NCOA3: variants seen among roughly 807,000 people sequenced by gnomAD.
NCOA3 encodes the protein CBP-interacting protein.
A neutral mutation model predicts 158.8 loss-of-function variants in NCOA3; 51 were observed. The observed-to-expected ratio is 0.32, with a 90% CI of 0.26 to 0.41. The LOEUF (loss-of-function observed/expected upper bound fraction) is 0.41. NCOA3 is among the 10% of genes least tolerant of loss of function. NCOA3 has a pLI of 1.00. For synonymous variants in NCOA3, 537 were observed against 592.4 expected (o/e 0.91, Z 1.36); for missense variants, 1,510 against 1,746.6 (o/e 0.86, Z 2.41).
At chr20:47,543,803 C>T (rs541725411) in intron 1 of NCOA3, among the ~76,000 whole-genome samples, 1 of 152,288 alleles carries the variant, frequency 6.6e-6, no homozygotes, top group South Asian at 2.1e-4. Flanking sequence ...AGCCACTGTG[C>T]CCAGCCAAGA....
chr20:47,649,294 A>G (rs933406502), intron 19 of NCOA3, among the ~76,000 whole-genome samples, 185 bp downstream of exon 19: 2 of 152,192 alleles, frequency 1.3e-5, no homozygotes, highest in Non-Finnish European at 2.9e-5. Flanking sequence ...ACTGGGAGGA[A>G]TCAGAGGAGG....
chr20:47,653,338 T>G (rs1195074315), intron 22 of NCOA3, 68 bp from the exon 23 acceptor site: 9 of 1,566,694 alleles, frequency 5.7e-6, no homozygotes, highest in Non-Finnish European at 7.8e-6. Flanking sequence ...CATGGGTATT[T>G]TTTTGTTGTG....
At chr20:47,631,033 A>T (rs2086406940) in intron 8 of NCOA3, 1 of 152,220 alleles carries the variant, frequency 6.6e-6, no homozygotes, top group Non-Finnish European at 1.5e-5. Context: ...ATATTTTGTC[A>T]CAGAAAAGAT....
At chr20:47,647,034 T>C (rs769848329) in intron 17 of NCOA3, 39 bp from the exon 18 acceptor site, 28 of 1,568,970 alleles carry the variant, frequency 1.8e-5, no homozygotes, top group African/African-American at 5.5e-5. Context: ...GTTGCTTTCA[T>C]AGATGTTCTT....
chr20:47,502,327 G>A (rs1033799742), intron 1 of NCOA3, among the ~76,000 whole-genome samples: 3 of 152,128 alleles, frequency 2.0e-5, no homozygotes, highest in African/African-American at 7.2e-5. Context: ...GGACTGCAGG[G>A]GCCCACTTTC....
At chr20:47,519,357 G>A (rs1354469477) in intron 1 of NCOA3, among the ~76,000 whole-genome samples, 3 of 151,284 alleles carry the variant, frequency 2.0e-5, no homozygotes, top group Non-Finnish European at 4.4e-5. Flanking sequence ...GCTTGAACCT[G>A]GGAGGCCGAG....
At chr20:47,550,085 A>T (rs2084904980) in intron 1 of NCOA3, among the ~76,000 whole-genome samples, 1 of 151,932 alleles carries the variant, frequency 6.6e-6, no homozygotes, top group Non-Finnish European at 1.5e-5. Flanking sequence ...TTATTCTTCT[A>T]ACTGCCAAAA....
At chr20:47,506,175 G>A (rs6094722) in intron 1 of NCOA3, among the ~76,000 whole-genome samples, 2,558 of 152,194 alleles carry the variant, frequency 0.017, 74 homozygotes, top group African/African-American at 0.059. Context: ...TCAGAATTAA[G>A]GTGGAGGAGG....
intron 1 of NCOA3, among the ~76,000 whole-genome samples, chr20:47,505,003 G>GGTTTTTTTTTTTTTT (rs2084004306): frequency 3.5e-5 from 1 of 28,550 alleles, no homozygotes; most frequent in Non-Finnish European, 5.4e-5. Context: ...TGGGTTTTTG[G>GGTTTTTTTTTTTTTT]TTTTTTTTTT....
chr20:47,563,556 G>T (rs1008802264), intron 1 of NCOA3, among the ~76,000 whole-genome samples: 3 of 152,118 alleles, frequency 2.0e-5, no homozygotes, highest in African/African-American at 7.2e-5. Context: ...TGCAGGCTGG[G>T]CATGATGGCT....
intron 1 of NCOA3, among the ~76,000 whole-genome samples, chr20:47,557,624 A>G (rs1032267007): frequency 2.0e-5 from 3 of 152,206 alleles, no homozygotes; most frequent in Non-Finnish European, 4.4e-5. Context: ...ATTAAGTAAT[A>G]TAGTCAGATA....
intron 2 of NCOA3, among the ~76,000 whole-genome samples, chr20:47,609,048 G>T (rs6066407): frequency 1.3e-5 from 2 of 152,072 alleles, no homozygotes; most frequent in Non-Finnish European, 2.9e-5. Flanking sequence ...TAACATTATA[G>T]GATATGTCTG....
At chr20:47,506,588 G>A (rs923537851) in intron 1 of NCOA3, among the ~76,000 whole-genome samples, 8 of 152,138 alleles carry the variant, frequency 5.3e-5, no homozygotes, top group Non-Finnish European at 1.0e-4. Context: ...TACAGTGGGG[G>A]GCAGTAATAG....
chr20:47,535,256 C>T (rs1568662238), intron 1 of NCOA3, among the ~76,000 whole-genome samples: 1 of 152,120 alleles, frequency 6.6e-6, no homozygotes, highest in Non-Finnish European at 1.5e-5. Context: ...ACGGACAGGT[C>T]GTGAGGAGTG....
rs145595952 is a variant in NCOA3, at chr20:47,647,450, A to G, written c.3546+84A>G. On this transcript the variant is annotated intron_variant, in intron 18 of 22. Coordinates refer to ENST00000371998, the MANE Select transcript of NCOA3 (RefSeq NM_181659.3). The stretch of plus-strand genomic sequence containing the variant: ...TCTCAGTGTTCTTACCACTGGTGCA[A>G]TCTATCCCTGTCAACTAAAGAAATT... The G allele has an allele frequency of 2.1e-3, 2,708 of 1,268,792 alleles. 44 individuals are homozygous for G. In the African/African-American group the frequency reaches 0.026, roughly 12 times the overall value. 78.6% of individuals were successfully genotyped at this position (1,268,792 alleles called of 1,614,324 possible).
At chr20:47,577,642 G>C (rs1036299619) in intron 1 of NCOA3, among the ~76,000 whole-genome samples, 2 of 152,138 alleles carry the variant, frequency 1.3e-5, no homozygotes, top group Non-Finnish European at 2.9e-5. Flanking sequence ...CTAATTAATT[G>C]ATGGCAGCAA....
At chr20:47,566,224 C>T (rs757442989) in intron 1 of NCOA3, among the ~76,000 whole-genome samples, 3 of 152,076 alleles carry the variant, frequency 2.0e-5, no homozygotes, top group Non-Finnish European at 2.9e-5. Flanking sequence ...TGGCTGACTT[C>T]TCCCACCCCT....
rs145543457 is a variant in NCOA3 at position 47,520,950 on chromosome 20, C to G, written c.-99+18931C>G. Among the ~76,000 whole-genome samples the G allele has an allele frequency of 3.9e-3, 601 of 152,204 alleles. 5 individuals are homozygous for G. Among genetic ancestry groups the G allele is most frequent in the African/African-American group, 0.014 (562 of 41,502 alleles). On this transcript the variant is annotated intron_variant, in intron 1 of 22. Coordinates refer to ENST00000371998, the MANE Select transcript of NCOA3 (RefSeq NM_181659.3). ...TCTGTCCAGCAGTAGGACTTGTCAT[C>G]ATCTACACGAACAACACCGCAAGTA...
At chr20:47,519,012 T>A (rs1405974966) in intron 1 of NCOA3, among the ~76,000 whole-genome samples, 1 of 151,670 alleles carries the variant, frequency 6.6e-6, no homozygotes, top group Non-Finnish European at 1.5e-5. Flanking sequence ...GACGGGCACC[T>A]GTAATCCCAG....
Sources: allele counts gnomAD v4.1 joint callset (sites outside exome capture counted in the v4.1 genomes callset), GRCh38; gene constraint gnomAD v4.1.1; transcripts MANE v1.5; gene names NCBI Gene and HGNC (gene_info 2026-07-23, HGNC 2026-07-21).